FOXP1: variants seen among roughly 807,000 people sequenced by gnomAD.
FOXP1 encodes forkhead box P1.
In FOXP1, 15 loss-of-function variants were observed where a neutral mutation model predicts 98.2. The observed-to-expected ratio is 0.15, with a 90% CI of 0.10 to 0.24. The LOEUF (loss-of-function observed/expected upper bound fraction) is 0.24, where lower values mean the gene tolerates loss of function less well. FOXP1 is among the 10% of genes least tolerant of loss of function. The pLI is 1.00. For missense variants in FOXP1, 633 were observed against 848.5 expected, an observed-to-expected ratio of 0.75 and a Z score of 3.15; for synonymous variants, 371 against 314.5, an observed-to-expected ratio of 1.18 and a Z score of -1.90.
chr3:71,110,889 T>G (rs2057862260), intron 7 of FOXP1, among the ~76,000 whole-genome samples: 1 of 152,212 alleles, frequency 6.6e-6, no homozygotes, highest in Admixed American at 6.5e-5. Flanking sequence ...ATTAAAAATG[T>G]CCCCTGCATG....
chr3:71,273,476 T>C (rs1358631509), intron 5 of FOXP1, among the ~76,000 whole-genome samples: 2 of 152,200 alleles, frequency 1.3e-5, no homozygotes, highest in Non-Finnish European at 2.9e-5. Flanking sequence ...CCTTGGCAGG[T>C]TCAAGACTCC....
chr3:71,577,376 A>T (rs1474713384), intron 2 of FOXP1, among the ~76,000 whole-genome samples: 3 of 152,126 alleles, frequency 2.0e-5, no homozygotes, highest in Non-Finnish European at 4.4e-5. Context: ...ACACAAGCCA[A>T]ATCTGCTTAA....
chr3:71,472,144 G>C (rs1352426071), intron 3 of FOXP1, among the ~76,000 whole-genome samples: 1 of 152,138 alleles, frequency 6.6e-6, no homozygotes, highest in Non-Finnish European at 1.5e-5. Flanking sequence ...TGGGGGAGGA[G>C]TTATAAGTAA....
At chr3:71,399,489 C>G (rs532468855) in intron 3 of FOXP1, among the ~76,000 whole-genome samples, 24 of 152,210 alleles carry the variant, frequency 1.6e-4, no homozygotes, top group African/African-American at 4.8e-4. Flanking sequence ...TTGGGTATAC[C>G]TGAAGTTCTA....
intron 11 of FOXP1, among the ~76,000 whole-genome samples, chr3:71,016,986 C>T (rs2044591459): frequency 6.6e-6 from 1 of 151,208 alleles, no homozygotes; most frequent in African/African-American, 2.4e-5. Context: ...TTTGCCCTAC[C>T]ACAGAAAATA....
chr3:71,010,486 C>A (rs1438568879), intron 12 of FOXP1, among the ~76,000 whole-genome samples: 1 of 152,092 alleles, frequency 6.6e-6, no homozygotes, highest in Non-Finnish European at 1.5e-5. Flanking sequence ...CGGGACTATG[C>A]CTGTTTTAAG....
chr3:71,262,651 G>T (rs1207875810), intron 5 of FOXP1, among the ~76,000 whole-genome samples: 1 of 152,142 alleles, frequency 6.6e-6, no homozygotes, highest in Admixed American at 6.5e-5. Flanking sequence ...ATTGAGTGAG[G>T]GTCAGAGTCT....
intron 5 of FOXP1, among the ~76,000 whole-genome samples, chr3:71,297,826 C>T (rs1274288375): frequency 5.9e-5 from 4 of 67,558 alleles, no homozygotes; most frequent in Admixed American, 1.5e-4. Context: ...AGGTTGGTCT[C>T]GAACTCCTGA....
At chr3:71,126,667 T>C (rs2059202651) in intron 6 of FOXP1, among the ~76,000 whole-genome samples, 1 of 150,762 alleles carries the variant, frequency 6.6e-6, no homozygotes, top group Non-Finnish European at 1.5e-5. Flanking sequence ...CTACTAAAAA[T>C]ACAAAAATTA....
intron 4 of FOXP1, among the ~76,000 whole-genome samples, chr3:71,356,426 G>A (rs1023196437): frequency 2.6e-5 from 4 of 151,922 alleles, no homozygotes; most frequent in African/African-American, 7.3e-5. Context: ...AATGGACTGC[G>A]AAACATGCGT....
intron 4 of FOXP1, among the ~76,000 whole-genome samples, chr3:71,356,037 T>C (rs1470685344): frequency 1.3e-5 from 2 of 151,986 alleles, no homozygotes; most frequent in Non-Finnish European, 2.9e-5. Context: ...GACTAGGACC[T>C]GCTTTGCCGA....
intron 11 of FOXP1, among the ~76,000 whole-genome samples, chr3:71,033,882 T>C (rs182609153): frequency 6.6e-6 from 1 of 152,114 alleles, no homozygotes; most frequent in African/African-American, 2.4e-5. Flanking sequence ...GCCCCCAGGG[T>C]GCTTCTGTCT....
intron 3 of FOXP1, among the ~76,000 whole-genome samples, chr3:71,421,094 G>A (rs1422158974): frequency 6.6e-6 from 1 of 152,178 alleles, no homozygotes; most frequent in African/African-American, 2.4e-5. Context: ...CCCCAAGGAT[G>A]CTACTGGACT....
At chr3:71,214,310 A>G (rs746148618) in intron 5 of FOXP1, among the ~76,000 whole-genome samples, 2 of 152,340 alleles carry the variant, frequency 1.3e-5, no homozygotes, top group Non-Finnish European at 2.9e-5. Context: ...TACCTTAATC[A>G]TGCTGTCACG....
intron 3 of FOXP1, among the ~76,000 whole-genome samples, chr3:71,454,479 A>G (rs2087259694): frequency 6.6e-6 from 1 of 152,098 alleles, no homozygotes; most frequent in African/African-American, 2.4e-5. Context: ...TTTTTATTTG[A>G]TTTTCAAAAA....
intron 3 of FOXP1, among the ~76,000 whole-genome samples, chr3:71,425,381 C>A (rs1248216129): frequency 2.0e-5 from 3 of 152,182 alleles, no homozygotes; most frequent in Non-Finnish European, 2.9e-5. Flanking sequence ...CCGCCTTGGC[C>A]TCCCAAAGTG....
At chr3:71,353,199 T>A (rs993573464) in intron 4 of FOXP1, among the ~76,000 whole-genome samples, 3 of 152,108 alleles carry the variant, frequency 2.0e-5, no homozygotes, top group Non-Finnish European at 2.9e-5. Context: ...TTTCAAAGCA[T>A]TAAAGTAAAA....
chr3:71,580,403 G>A (rs969748254), intron 2 of FOXP1, among the ~76,000 whole-genome samples: 41 of 151,610 alleles, frequency 2.7e-4, no homozygotes, highest in Non-Finnish European at 4.9e-4. Context: ...ACAGAGGGGG[G>A]AAAAAAACAG....
At chr3:71,157,882 T>G (rs796933308) in intron 6 of FOXP1, among the ~76,000 whole-genome samples, 2 of 150,994 alleles carry the variant, frequency 1.3e-5, no homozygotes, top group African/African-American at 4.9e-5. Flanking sequence ...AGGTCAGGAG[T>G]TTGAGACCAG....
Sources: allele counts gnomAD v4.1 joint callset (sites outside exome capture counted in the v4.1 genomes callset), GRCh38; gene constraint gnomAD v4.1.1; transcripts MANE v1.5; gene names NCBI Gene and HGNC (gene_info 2026-07-23, HGNC 2026-07-21).